Variants in ZNF536 observed in about 807,000 individuals in gnomAD.
The protein encoded by ZNF536 is zinc finger protein 536.
ZNF536 carries 13 observed loss-of-function variants against 84.5 expected under a neutral mutation model. That is an observed-to-expected ratio of 0.15 (90% CI 0.10 to 0.24). The LOEUF (loss-of-function observed/expected upper bound fraction) is 0.24. ZNF536 is among the 10% of genes least tolerant of loss of function. The pLI, the probability that ZNF536 is intolerant of heterozygous loss-of-function variation, is 1.00. For synonymous variants in ZNF536, 811 were observed against 742.5 expected (o/e 1.09, Z -1.50); for missense variants, 1,536 against 1,747.5 (o/e 0.88, Z 2.16).
chr19:30,282,230 G>C (rs560879469), intron 1 of ZNF536, among the ~76,000 whole-genome samples: 1 of 152,358 alleles, frequency 6.6e-6, no homozygotes, highest in African/African-American at 2.4e-5. Flanking sequence ...GGCTGTACTC[G>C]TCAGCTGCCC....
intron 1 of ZNF536, among the ~76,000 whole-genome samples, chr19:30,649,918 A>G (rs2147439535): frequency 6.6e-6 from 1 of 152,330 alleles, no homozygotes; most frequent in East Asian, 1.9e-4. Context: ...ACTAAAAAAA[A>G]AAACTAAGAC....
chr19:30,369,534 G>T (rs978113154), upstream of ZNF536, among the ~76,000 whole-genome samples: 2 of 58,194 alleles, frequency 3.4e-5, no homozygotes, highest in African/African-American at 1.5e-4. Flanking sequence ...TCACTGTCCC[G>T]GGGTGTGGTT....
intron 2 of ZNF536, among the ~76,000 whole-genome samples, chr19:30,486,485 T>C (rs2054306285): frequency 6.6e-6 from 1 of 152,256 alleles, no homozygotes; most frequent in Non-Finnish European, 1.5e-5. Flanking sequence ...CCACATTTTC[T>C]TTATCCAGTC....
intron 2 of ZNF536, among the ~76,000 whole-genome samples, chr19:30,345,587 GA>G (rs1235392487): frequency 1.3e-5 from 2 of 152,000 alleles, no homozygotes; most frequent in Non-Finnish European, 2.9e-5. Flanking sequence ...TAGAAGAAAA[GA>G]AAAAAATGTA....
chr19:30,311,906 G>A (rs1407042078), intron 2 of ZNF536, among the ~76,000 whole-genome samples: 1 of 151,894 alleles, frequency 6.6e-6, no homozygotes, highest in South Asian at 2.1e-4. Flanking sequence ...TCATCTCTAC[G>A]AAAAGTTAAA....
chr19:30,681,203 G>A (rs578239967), intron 1 of ZNF536, among the ~76,000 whole-genome samples: 2 of 152,284 alleles, frequency 1.3e-5, no homozygotes, highest in South Asian at 2.1e-4. Context: ...AATGAGACCC[G>A]TGGAGTGGGC....
chr19:30,468,780 G>A (rs1011485040), intron 2 of ZNF536, among the ~76,000 whole-genome samples: 11 of 152,118 alleles, frequency 7.2e-5, no homozygotes, highest in Admixed American at 4.6e-4. Flanking sequence ...GATGCCCATC[G>A]ACACCTAGGC....
intron 1 of ZNF536, among the ~76,000 whole-genome samples, chr19:30,633,785 G>A (rs905033668): frequency 6.6e-6 from 1 of 151,446 alleles, no homozygotes; most frequent in African/African-American, 2.4e-5. Context: ...TGTTGCCTAG[G>A]CTGGTCTTGA....
At chr19:30,510,183 C>A (rs375298721) in intron 2 of ZNF536, among the ~76,000 whole-genome samples, 4 of 152,156 alleles carry the variant, frequency 2.6e-5, no homozygotes, top group Non-Finnish European at 5.9e-5. Context: ...TTTCCGATTA[C>A]TAACTATGCA....
rs144302032 is a variant in ZNF536, at chr19:30,515,520, G to A, written c.2171-19327G>A. Among the ~76,000 whole-genome samples the A allele has an allele frequency of 2.4e-3, 373 of 152,272 alleles. 5 individuals are homozygous for A. The highest frequency in any genetic ancestry group is 8.3e-3 in the African/African-American group (346 of 41,538). On this transcript the variant is annotated intron_variant, in intron 2 of 4. Coordinates refer to ENST00000355537, the MANE Select transcript of ZNF536 (RefSeq NM_014717.3). ...ATCATCCTCATGGGAAGTGTCCCGTGCTGTTAGGACAGAGTAGGATCTCAG... is the reference window on the plus strand; with the variant it reads ...ATCATCCTCATGGGAAGTGTCCCGTACTGTTAGGACAGAGTAGGATCTCAG...
chr19:30,707,535 C>T (rs915593206), intron 1 of ZNF536, among the ~76,000 whole-genome samples: 1 of 152,126 alleles, frequency 6.6e-6, no homozygotes, highest in Non-Finnish European at 1.5e-5. Flanking sequence ...TGCTCTTCCT[C>T]CTGTGGTTGG....
intron 1 of ZNF536, among the ~76,000 whole-genome samples, chr19:30,414,209 G>A (rs1269577107): frequency 1.4e-5 from 2 of 140,922 alleles, no homozygotes; most frequent in African/African-American, 5.3e-5. Flanking sequence ...ATGTTGCTTT[G>A]TATATATCTT....
chr19:30,235,213 C>G (rs2023398150), intron 1 of ZNF536, among the ~76,000 whole-genome samples: 1 of 152,126 alleles, frequency 6.6e-6, no homozygotes, highest in African/African-American at 2.4e-5. Context: ...CCGCAGTGGG[C>G]AAACTGAGGG....
intron 1 of ZNF536, among the ~76,000 whole-genome samples, chr19:30,610,045 C>T (rs1489849029): frequency 6.6e-6 from 1 of 152,150 alleles, no homozygotes; most frequent in Admixed American, 6.5e-5. Flanking sequence ...CATCCATCCA[C>T]TCATCCATCC....
chr19:30,461,435 G>A (rs570230532), intron 2 of ZNF536, among the ~76,000 whole-genome samples: 3 of 152,248 alleles, frequency 2.0e-5, no homozygotes, highest in East Asian at 1.9e-4. Context: ...GAGTCATCCC[G>A]ACATCCCTTC....
intron 1 of ZNF536, among the ~76,000 whole-genome samples, chr19:30,666,207 T>G (rs142240541): frequency 2.6e-5 from 4 of 152,344 alleles, no homozygotes; most frequent in East Asian, 1.9e-4. Context: ...GTTCTGAGCT[T>G]AGGCCCAGCC....
At chr19:30,589,444 T>G (rs1325282373) in intron 1 of ZNF536, among the ~76,000 whole-genome samples, 2 of 152,194 alleles carry the variant, frequency 1.3e-5, no homozygotes, top group Non-Finnish European at 2.9e-5. Context: ...TTATTTTCTT[T>G]TGAAGTTGAG....
chr19:30,443,508 C>T (rs1360903109), intron 1 of ZNF536, 53 bp from the exon 2 acceptor site: 1 of 1,499,362 alleles, frequency 6.7e-7, no homozygotes, highest in Non-Finnish European at 8.9e-7. Flanking sequence ...GCTGTTGATT[C>T]ATGGCGCCAC....
intron 1 of ZNF536, among the ~76,000 whole-genome samples, chr19:30,620,292 C>A (rs2195957): frequency 4.6e-5 from 7 of 152,116 alleles, no homozygotes; most frequent in Non-Finnish European, 8.8e-5. Context: ...AATAAAGGTT[C>A]TGGGTCTTCA....
Sources: allele counts gnomAD v4.1 joint callset (sites outside exome capture counted in the v4.1 genomes callset), GRCh38; gene constraint gnomAD v4.1.1; transcripts MANE v1.5; gene names NCBI Gene and HGNC (gene_info 2026-07-23, HGNC 2026-07-21).